The following KPNA3 variants were observed in gnomAD, a reference collection of about 807,000 sequenced individuals.
KPNA3 encodes the protein importin subunit alpha-4.
KPNA3 carries 13 observed loss-of-function variants against 73.8 expected under a neutral mutation model. The observed-to-expected ratio is 0.18, with a 90% CI of 0.11 to 0.28. The LOEUF is 0.28. Among genes scored for constraint, KPNA3 ranks in the 10% least tolerant of loss-of-function variants. The pLI, the probability that KPNA3 is intolerant of heterozygous loss-of-function variation, is 1.00. For synonymous variants in KPNA3, 186 were observed against 206.9 expected (o/e 0.90, Z 0.87); for missense variants, 360 against 618.1 (o/e 0.58, Z 4.43).
intron 10 of KPNA3, among the ~76,000 whole-genome samples, chr13:49,717,356 G>T (rs918431954): frequency 4.0e-5 from 6 of 150,956 alleles, no homozygotes; most frequent in African/African-American, 1.5e-4. Flanking sequence ...CTTCAACTCG[G>T]GAGGCGGAGG....
At chr13:49,751,595 A>C (rs1031270948) in intron 1 of KPNA3, among the ~76,000 whole-genome samples, 6 of 152,156 alleles carry the variant, frequency 3.9e-5, no homozygotes, top group African/African-American at 1.4e-4. Context: ...AGAATAGCCA[A>C]ACTTAAACTC....
At chr13:49,791,843 A>T (rs1955035534) in intron 1 of KPNA3, among the ~76,000 whole-genome samples, 2 of 152,208 alleles carry the variant, frequency 1.3e-5, no homozygotes, top group Non-Finnish European at 2.9e-5. Flanking sequence ...GAATATAAGA[A>T]AATGGTCCTG....
At chr13:49,732,700 T>C in intron 4 of KPNA3, 43 bp from the exon 5 acceptor site, 1 of 1,484,194 alleles carries the variant, frequency 6.7e-7, no homozygotes, top group Non-Finnish European at 9.3e-7. Flanking sequence ...AAAAAAAAAA[T>C]CAATTTCAAA....
intron 1 of KPNA3, among the ~76,000 whole-genome samples, chr13:49,782,448 T>C (rs1361461328): frequency 9.2e-5 from 14 of 152,216 alleles, no homozygotes; most frequent in Non-Finnish European, 2.1e-4. Context: ...TCTACCTGTA[T>C]CATAGAACTT....
intron 6 of KPNA3, among the ~76,000 whole-genome samples, chr13:49,731,471 T>C (rs1954469125): frequency 6.6e-6 from 1 of 152,154 alleles, no homozygotes; most frequent in African/African-American, 2.4e-5. Context: ...GATAGTATTT[T>C]AAAAAGTGTT....
At chr13:49,776,920 C>T (rs1954902465) in intron 1 of KPNA3, among the ~76,000 whole-genome samples, 1 of 152,170 alleles carries the variant, frequency 6.6e-6, no homozygotes, top group Admixed American at 6.5e-5. Context: ...TAAAAAGATA[C>T]TAACTGTATA....
chr13:49,746,064 G>GAAAAAAAAAAAAAAAAAAAAAAAAA (rs398022733), intron 2 of KPNA3, among the ~76,000 whole-genome samples: 2 of 83,086 alleles, frequency 2.4e-5, no homozygotes, highest in African/African-American at 4.5e-5. Flanking sequence ...CTCTGCATCA[G>GAAAAAAAAAAAAAAAAAAAAAAAAA]AAAAAAAAAA....
At chr13:49,737,550 AGTGTGTGTGTCTGT>A (rs1217107474) in intron 2 of KPNA3, among the ~76,000 whole-genome samples, 19 of 124,618 alleles carry the variant, frequency 1.5e-4, no homozygotes, top group East Asian at 7.0e-4. Context: ...CTTACTATTA[AGTGTGTGTGTCTGT>A]GTGTGTGTGT....
At chr13:49,720,854 C>T (rs1007392806) in intron 9 of KPNA3, among the ~76,000 whole-genome samples, 2 of 151,134 alleles carry the variant, frequency 1.3e-5, no homozygotes, top group Non-Finnish European at 3.0e-5. Context: ...AAAGTTTTTA[C>T]TTTGTTTTAA....
intron 1 of KPNA3, among the ~76,000 whole-genome samples, chr13:49,751,483 C>A (rs1594449998): frequency 6.6e-6 from 1 of 152,122 alleles, no homozygotes; most frequent in Non-Finnish European, 1.5e-5. Context: ...CGGGGGGGTT[C>A]TTTTTAAAAT....
At chr13:49,792,413 G>T in intron 1 of KPNA3, 25 bp downstream of exon 1, 1 of 1,546,794 alleles carries the variant, frequency 6.5e-7, no homozygotes, top group South Asian at 1.2e-5. Flanking sequence ...GGCCAGGCGG[G>T]CCCAGACCGC....
chr13:49,722,580 C>T lies in KPNA3; in HGVS notation c.470-17G>A. On this transcript the variant is annotated splice_polypyrimidine_tract_variant and intron_variant, in intron 7 of 16. Coordinates refer to ENST00000261667, the MANE Select transcript of KPNA3 (RefSeq NM_002267.4). ...GTACTGCATCTGTAATAAAGAAAAA[C>T]TAATATTTATACTAGCAACATGTTG... 2.7e-6 allele frequency: 4 copies of T among 1,492,956 alleles called. No homozygotes were observed. Among genetic ancestry groups the T allele is most frequent in the Non-Finnish European group, 3.7e-6 (4 of 1,078,214 alleles). 92.5% of individuals were successfully genotyped at this position (1,492,956 alleles called of 1,614,324 possible).
At chr13:49,784,661 T>C (rs959784532) in intron 1 of KPNA3, among the ~76,000 whole-genome samples, 1 of 152,174 alleles carries the variant, frequency 6.6e-6, no homozygotes, top group Non-Finnish European at 1.5e-5. Flanking sequence ...CCTGTCATAA[T>C]AAAAAGCTTG....
chr13:49,763,105 A>T (rs1954782282), intron 1 of KPNA3, among the ~76,000 whole-genome samples: 1 of 152,180 alleles, frequency 6.6e-6, no homozygotes, highest in African/African-American at 2.4e-5. Context: ...GTTATACAAC[A>T]TAAAATAACT....
At chr13:49,711,353 C>T (rs946009268) in intron 10 of KPNA3, among the ~76,000 whole-genome samples, 4 of 152,166 alleles carry the variant, frequency 2.6e-5, no homozygotes, top group Non-Finnish European at 4.4e-5. Flanking sequence ...ACCTAATAAT[C>T]CCACAGAAAA....
intron 6 of KPNA3, among the ~76,000 whole-genome samples, chr13:49,730,846 G>A (rs767692895): frequency 2.1e-5 from 3 of 145,592 alleles, no homozygotes; most frequent in Non-Finnish European, 4.5e-5. Context: ...GTGCGATCTC[G>A]GCTCACCGCA....
intron 1 of KPNA3, among the ~76,000 whole-genome samples, chr13:49,779,082 G>A (rs905848768): frequency 2.0e-5 from 3 of 148,380 alleles, no homozygotes; most frequent in African/African-American, 7.7e-5. Flanking sequence ...AAATTCCAAC[G>A]TTCCTGCTAG....
intron 1 of KPNA3, among the ~76,000 whole-genome samples, chr13:49,761,548 T>G (rs373479593): frequency 5.9e-5 from 9 of 152,250 alleles, no homozygotes; most frequent in Non-Finnish European, 1.0e-4. Flanking sequence ...GTGCTCAATG[T>G]TGCCCAGGCT....
chr13:49,786,164 A>G (rs1172326654), intron 1 of KPNA3, among the ~76,000 whole-genome samples: 1 of 152,230 alleles, frequency 6.6e-6, no homozygotes, highest in Non-Finnish European at 1.5e-5. Flanking sequence ...CATGGAGTCA[A>G]CACCAAAAGA....
Sources: gnomAD v4.1 joint callset for allele counts (sites outside exome capture counted in the v4.1 genomes callset) on GRCh38, gnomAD v4.1.1 for gene constraint, MANE v1.5 for transcripts, NCBI Gene and HGNC (gene_info 2026-07-23, HGNC 2026-07-21) for gene names.